CNBD1: variants seen among roughly 807,000 people sequenced by gnomAD.
The protein encoded by CNBD1 is cyclic nucleotide-binding domain-containing protein 1.
CNBD1 carries 71 observed loss-of-function variants against 54.4 expected under a neutral mutation model. The ratio of observed to expected loss-of-function variants is 1.30; its 90% CI spans 1.08 to 1.59. The LOEUF is 1.59. Among genes scored for constraint, CNBD1 ranks in the 40% most tolerant of loss-of-function variants. The pLI is 0.00. For missense variants in CNBD1, 659 were observed against 518.0 expected, an observed-to-expected ratio of 1.27 and a Z score of -2.64; for synonymous variants, 182 against 170.7, an observed-to-expected ratio of 1.07 and a Z score of -0.51.
intron 5 of CNBD1, among the ~76,000 whole-genome samples, chr8:87,216,412 C>A (rs1232045607): frequency 5.3e-5 from 8 of 152,150 alleles, no homozygotes; most frequent in Admixed American, 5.2e-4. Context: ...TACACAACTT[C>A]AGAAATATAA....
intron 4 of CNBD1, among the ~76,000 whole-genome samples, chr8:86,965,308 G>A (rs1312384071): frequency 6.6e-6 from 1 of 152,110 alleles, no homozygotes; most frequent in Non-Finnish European, 1.5e-5. Flanking sequence ...TTAGTCCAGG[G>A]GCCTTTGGAT....
At position 87,344,822 on chromosome 8, in the gene CNBD1, A is replaced by C. The variant is rs1024350031; in HGVS notation, c.1043-6863A>C. 2.6e-5 allele frequency among the ~76,000 whole-genome samples: 4 copies of C among 152,156 alleles called. No homozygotes were observed. The East Asian group carries it at 7.7e-4, about 29-fold the overall frequency. On this transcript the variant is annotated intron_variant, in intron 8 of 10. Transcript: ENST00000518476. ...AATAGTAGTTATTCATCTCTGAAAC[A>C]ATGCTGCTTAAATAATTGAACTGAA...
intron 4 of CNBD1, among the ~76,000 whole-genome samples, chr8:87,152,727 T>C (rs1377400808): frequency 6.6e-6 from 1 of 152,200 alleles, no homozygotes; most frequent in Non-Finnish European, 1.5e-5. Context: ...GGATTTCTAT[T>C]ATTTTTATAT....
intron 10 of CNBD1, among the ~76,000 whole-genome samples, chr8:87,382,372 G>A (rs2130960970): frequency 6.6e-6 from 1 of 151,966 alleles, no homozygotes; most frequent in Non-Finnish European, 1.5e-5. Context: ...TTAGAAGAGA[G>A]GATCAAATCA....
intron 10 of CNBD1, among the ~76,000 whole-genome samples, chr8:87,376,777 A>G (rs1348741172): frequency 1.3e-5 from 2 of 151,976 alleles, no homozygotes; most frequent in African/African-American, 4.8e-5. Context: ...AAGCATAAGT[A>G]ACTTGCACAA....
At chr8:87,420,328 T>C (rs934750480) in intron 2 of CNBD1, among the ~76,000 whole-genome samples, 2 of 152,042 alleles carry the variant, frequency 1.3e-5, no homozygotes, top group African/African-American at 4.8e-5. Context: ...ATCCTGTAGA[T>C]CGATTTGACA....
At chr8:87,314,831 G>A (rs1238755160) in intron 8 of CNBD1, among the ~76,000 whole-genome samples, 2 of 151,864 alleles carry the variant, frequency 1.3e-5, no homozygotes, top group Non-Finnish European at 2.9e-5. Flanking sequence ...TAATATAAAG[G>A]TGCTGTATGA....
intron 10 of CNBD1, among the ~76,000 whole-genome samples, chr8:87,372,060 A>C (rs1192382008): frequency 6.6e-6 from 1 of 152,056 alleles, no homozygotes; most frequent in East Asian, 1.9e-4. Flanking sequence ...CCCTGTTTGC[A>C]GACGACATGA....
At chr8:87,338,014 T>C (rs1010287970) in intron 8 of CNBD1, among the ~76,000 whole-genome samples, 1 of 152,182 alleles carries the variant, frequency 6.6e-6, no homozygotes, top group Admixed American at 6.5e-5. Flanking sequence ...TTTATTATTT[T>C]ATATGATTTA....
chr8:87,346,304 A>C lies in CNBD1; in HGVS notation c.1043-5381A>C, dbSNP rs183764539. ...TGATCCGCCCACCTCAGCCTCCCAA[A>C]GTGCTGGTATCACAGGTGTGAGCCA... On this transcript the variant is annotated intron_variant, in intron 8 of 10. Coordinates refer to ENST00000518476, the MANE Select transcript of CNBD1 (RefSeq NM_173538.3). Among the ~76,000 whole-genome samples, 201 of 152,272 alleles carry C rather than the reference A, an allele frequency of 1.3e-3. 1 individual carries two copies. The highest frequency in any genetic ancestry group is 1.9e-3 in the Non-Finnish European group (129 of 68,026).
rs140406788 is a variant in CNBD1, at chr8:87,060,931, T to C, written c.431+121177T>C. Reference sequence around the variant, plus strand: ...GGAAGAAGCTGGTCACCAATAAATATTCCTTACTTTGGTCAAAGCCTGAGG... The same window carrying C: ...GGAAGAAGCTGGTCACCAATAAATACTCCTTACTTTGGTCAAAGCCTGAGG... On this transcript the variant is annotated intron_variant, in intron 4 of 10. Transcript: ENST00000518476. Among the ~76,000 whole-genome samples the C allele has an allele frequency of 3.8e-3, 573 of 152,282 alleles. 3 individuals carry two copies. The highest frequency in any genetic ancestry group is 0.013 in the African/African-American group (554 of 41,566).
intron 4 of CNBD1, among the ~76,000 whole-genome samples, chr8:86,995,519 GA>G (rs1488002893): frequency 1.3e-5 from 2 of 152,158 alleles, no homozygotes; most frequent in African/African-American, 4.8e-5. Context: ...AAAAATCACA[GA>G]GTTGGAAATT....
At chr8:87,426,721 C>T (rs892880276) in intron 2 of CNBD1, among the ~76,000 whole-genome samples, 5 of 152,138 alleles carry the variant, frequency 3.3e-5, no homozygotes, top group African/African-American at 1.2e-4. Context: ...ACGGCAATTG[C>T]AGATTCTGTG....
intron 4 of CNBD1, among the ~76,000 whole-genome samples, chr8:86,977,183 T>C (rs1006630429): frequency 7.2e-5 from 11 of 152,036 alleles, no homozygotes; most frequent in Non-Finnish European, 1.5e-4. Context: ...CTTTATAGTG[T>C]TGGGGAACAT....
At chr8:87,017,265 TA>T (rs1279496245) in intron 4 of CNBD1, among the ~76,000 whole-genome samples, 1 of 152,234 alleles carries the variant, frequency 6.6e-6, no homozygotes, top group African/African-American at 2.4e-5. Flanking sequence ...AAATGCCTTA[TA>T]AAAATAGGTA....
intron 4 of CNBD1, among the ~76,000 whole-genome samples, chr8:87,053,980 T>C (rs1285990091): frequency 1.3e-5 from 2 of 152,244 alleles, no homozygotes; most frequent in Non-Finnish European, 2.9e-5. Flanking sequence ...ATTGAATGGC[T>C]GTCTTCCTTC....
chr8:86,969,587 A>C (rs1808171693), intron 4 of CNBD1, among the ~76,000 whole-genome samples: 1 of 152,074 alleles, frequency 6.6e-6, no homozygotes, highest in East Asian at 1.9e-4. Flanking sequence ...GAGAATGGAC[A>C]GATTACCAGT....
chr8:87,092,067 A>G (rs923875626), intron 4 of CNBD1, among the ~76,000 whole-genome samples: 1 of 152,180 alleles, frequency 6.6e-6, no homozygotes, highest in South Asian at 2.1e-4. Context: ...CTGAAGAAAA[A>G]ACTATGACAA....
In CNBD1 at chr8:87,148,951, A is replaced by C. The variant is rs184640197; in HGVS notation, c.432-57042A>C. ...AGGCAATCTCCCTATCTGATGAAAC[A>C]ATTCATTTCACTGCAAAAGGAATGA... On this transcript the variant is annotated intron_variant, in intron 4 of 10. Transcript: ENST00000518476. 2.9e-3 allele frequency among the ~76,000 whole-genome samples: 438 copies of C among 152,270 alleles called. 1 individual carries two copies. Among genetic ancestry groups the C allele is most frequent in the African/African-American group, 0.01 (424 of 41,562 alleles).
Sources: allele counts gnomAD v4.1 joint callset (sites outside exome capture counted in the v4.1 genomes callset), GRCh38; gene constraint gnomAD v4.1.1; transcripts MANE v1.5; gene names NCBI Gene and HGNC (gene_info 2026-07-23, HGNC 2026-07-21).